RBFOX1: variants seen among roughly 807,000 people sequenced by gnomAD.
RBFOX1 encodes the protein RNA binding protein fox-1 homolog 1.
A neutral mutation model predicts 57.7 loss-of-function variants in RBFOX1; 8 were observed. That is an observed-to-expected ratio of 0.14 (90% confidence interval 0.08 to 0.25). The LOEUF (loss-of-function observed/expected upper bound fraction) is 0.25. Among genes scored for constraint, RBFOX1 ranks in the 10% least tolerant of loss-of-function variants. RBFOX1 has a pLI of 1.00. For synonymous variants in RBFOX1, 326 were observed against 222.4 expected, an observed-to-expected ratio of 1.47 and a Z score of -4.15; for missense variants, 611 against 548.5, an observed-to-expected ratio of 1.11 and a Z score of -1.14.
At chr16:6,570,907 G>C (rs916887514) in intron 2 of RBFOX1, among the ~76,000 whole-genome samples, 1 of 152,154 alleles carries the variant, frequency 6.6e-6, no homozygotes, top group African/African-American at 2.4e-5. Context: ...TTGAAATCTT[G>C]CAGGGCCTTT....
chr16:6,975,832 T>G (rs555124672), intron 3 of RBFOX1, among the ~76,000 whole-genome samples: 2 of 152,072 alleles, frequency 1.3e-5, no homozygotes, highest in South Asian at 4.2e-4. Flanking sequence ...ATAATAGTAA[T>G]AAAAATAAAA....
intron 3 of RBFOX1, among the ~76,000 whole-genome samples, chr16:6,856,830 C>G (rs1002053856): frequency 1.3e-5 from 2 of 152,028 alleles, no homozygotes; most frequent in Non-Finnish European, 2.9e-5. Context: ...TGTCAAACCA[C>G]TGATTGACAG....
At chr16:6,042,809 G>A (rs1453932655) in intron 1 of RBFOX1, among the ~76,000 whole-genome samples, 1 of 152,166 alleles carries the variant, frequency 6.6e-6, no homozygotes, top group Non-Finnish European at 1.5e-5. Flanking sequence ...AGGACATCTT[G>A]AAATGGGGGT....
chr16:6,330,411 T>C (rs2082874349), intron 2 of RBFOX1, among the ~76,000 whole-genome samples: 3 of 152,192 alleles, frequency 2.0e-5, no homozygotes, highest in Non-Finnish European at 2.9e-5. Flanking sequence ...AAGTCACTGA[T>C]GATTCTGTTC....
chr16:6,945,830 G>A (rs1346546020), intron 3 of RBFOX1, among the ~76,000 whole-genome samples: 1 of 152,220 alleles, frequency 6.6e-6, no homozygotes, highest in African/African-American at 2.4e-5. Flanking sequence ...GGCGGAGGTT[G>A]CAGTGTGCTG....
rs1230057385 is a variant in RBFOX1, at chr16:7,179,579, G to A, written c.27+127481G>A. On this transcript the variant is annotated intron_variant, in intron 4 of 15. Coordinates refer to ENST00000550418, the MANE Select transcript of RBFOX1 (RefSeq NM_018723.4). ...TTTTGTCAGACATTTTAAATTTAAC[G>A]TGGACACATGGTTTCCTTTTTTTTT... is the stretch of plus-strand genomic sequence containing the variant. Among the ~76,000 whole-genome samples the A allele has an allele frequency of 2.6e-5, 4 of 151,952 alleles. No individual in the cohort carries two copies. In the East Asian group the frequency reaches 7.7e-4, roughly 29 times the overall value.
intron 14 of RBFOX1, among the ~76,000 whole-genome samples, chr16:7,698,757 C>T (rs1251268531): frequency 1.3e-5 from 2 of 152,078 alleles, no homozygotes; most frequent in African/African-American, 2.4e-5. Context: ...AGGGAAAGTA[C>T]AGGGAGCTAA....
At chr16:6,931,525 C>T (rs1164179305) in intron 3 of RBFOX1, among the ~76,000 whole-genome samples, 1 of 152,078 alleles carries the variant, frequency 6.6e-6, no homozygotes, top group African/African-American at 2.4e-5. Context: ...AGGCTGGGGA[C>T]ATCTTGCCAA....
rs2098139130 is a variant in RBFOX1, at chr16:6,616,237, A to G, written c.-63-38366A>G. On this transcript the variant is annotated intron_variant, in intron 2 of 15. Transcript: ENST00000550418. The stretch of plus-strand genomic sequence containing the variant: ...GAATAATAAATGAATGTCTGTGCTC[A>G]TATTCTCCTGTCCTTTAAAAATTAT... Among the ~76,000 whole-genome samples the G allele has an allele frequency of 2.0e-5, 3 of 152,322 alleles. No individual in the cohort carries two copies. The South Asian group carries it at 6.2e-4, about 32-fold the overall frequency.
chr16:6,682,538 A>T (rs1319368242), intron 3 of RBFOX1, among the ~76,000 whole-genome samples: 2 of 152,150 alleles, frequency 1.3e-5, no homozygotes, highest in Non-Finnish European at 2.9e-5. Context: ...ATTATTGGCA[A>T]ACTGGACCGG....
At chr16:7,345,107 C>T (rs1226056450) in intron 4 of RBFOX1, among the ~76,000 whole-genome samples, 1 of 152,160 alleles carries the variant, frequency 6.6e-6, no homozygotes, top group Non-Finnish European at 1.5e-5. Context: ...TTTTGGTTAT[C>T]AGTGTTGAAA....
chr16:6,837,941 C>T (rs994110074), intron 3 of RBFOX1, among the ~76,000 whole-genome samples: 1 of 151,732 alleles, frequency 6.6e-6, no homozygotes, highest in Non-Finnish European at 1.5e-5. Flanking sequence ...GAAGTTACCA[C>T]CTCTTTCCAT....
intron 3 of RBFOX1, among the ~76,000 whole-genome samples, chr16:5,822,353 G>T (rs1202422195): frequency 6.6e-6 from 1 of 152,140 alleles, no homozygotes; most frequent in Non-Finnish European, 1.5e-5. Context: ...GGTGGTGGGT[G>T]TGGCAGGTTC....
intron 4 of RBFOX1, among the ~76,000 whole-genome samples, chr16:7,369,671 T>A (rs2097532496): frequency 6.6e-6 from 1 of 152,184 alleles, no homozygotes; most frequent in East Asian, 1.9e-4. Context: ...ACTAGTTTAT[T>A]CCTGGGAGGA....
chr16:6,283,469 A>G (rs1033125552), intron 1 of RBFOX1, among the ~76,000 whole-genome samples: 1 of 152,208 alleles, frequency 6.6e-6, no homozygotes, highest in African/African-American at 2.4e-5. Context: ...AAGTGGAAAC[A>G]TTAACAATCA....
intron 3 of RBFOX1, among the ~76,000 whole-genome samples, chr16:6,780,686 A>C (rs550863809): frequency 6.7e-6 from 1 of 148,978 alleles, no homozygotes; most frequent in African/African-American, 2.5e-5. Flanking sequence ...TCAGAGAGCT[A>C]TTTTAACTGG....
chr16:5,736,224 G>C (rs1336768371), intron 3 of RBFOX1, among the ~76,000 whole-genome samples: 1 of 152,196 alleles, frequency 6.6e-6, no homozygotes. Flanking sequence ...GTGTCGAAAT[G>C]AACCTGGCGT....
chr16:6,832,705 C>G (rs1221461344), intron 3 of RBFOX1, among the ~76,000 whole-genome samples: 1 of 152,198 alleles, frequency 6.6e-6, no homozygotes, highest in African/African-American at 2.4e-5. Flanking sequence ...TCCACTTGCC[C>G]TTTTTCCATT....
intron 4 of RBFOX1, among the ~76,000 whole-genome samples, chr16:7,330,642 A>G (rs2096677086): frequency 6.6e-6 from 1 of 152,048 alleles, no homozygotes; most frequent in Non-Finnish European, 1.5e-5. Flanking sequence ...GATTAAGAGT[A>G]AGGGGATATA....
Sources: gnomAD v4.1 joint callset for allele counts (sites outside exome capture counted in the v4.1 genomes callset) on GRCh38, gnomAD v4.1.1 for gene constraint, MANE v1.5 for transcripts, NCBI Gene and HGNC (gene_info 2026-07-23, HGNC 2026-07-21) for gene names.